The following IQCB1 variants were observed in gnomAD, a reference collection of about 807,000 sequenced individuals.
The protein encoded by IQCB1 is IQ motif containing B1.
Under a neutral mutation model 84.4 loss-of-function variants are expected in IQCB1, and 56 were observed. That is an observed-to-expected ratio of 0.66 (90% CI 0.54 to 0.83). The LOEUF is 0.83. Among genes scored for constraint, IQCB1 ranks in the 40% least tolerant of loss-of-function variants. The probability of loss-of-function intolerance (pLI) is 0.00; values close to 1 mark genes in which losing one functional copy is unlikely to be tolerated. For synonymous variants in IQCB1, 210 were observed against 234.8 expected, an observed-to-expected ratio of 0.89 and a Z score of 0.96; for missense variants, 629 against 682.1, an observed-to-expected ratio of 0.92 and a Z score of 0.87.
rs369746609 is a variant in IQCB1 at position 121,787,683 on chromosome 3, G to A, written c.1278+601C>T. 8.6e-5 allele frequency among the ~76,000 whole-genome samples: 13 copies of A among 151,856 alleles called. No individual in the cohort carries two copies. The East Asian group carries it at 1.7e-3, about 20-fold the overall frequency. Reference sequence around the variant, plus strand: ...GGAGAATTGCTTGAACCTGGGAGGCGGAGGTTGTAGTGAGCCAAGATCGTG... The same window carrying A: ...GGAGAATTGCTTGAACCTGGGAGGCAGAGGTTGTAGTGAGCCAAGATCGTG... On this transcript the variant is annotated intron_variant, in intron 12 of 14. Coordinates refer to ENST00000310864, the MANE Select transcript of IQCB1 (RefSeq NM_001023570.4).
chr3:121,770,110 T>C lies in IQCB1; in HGVS notation c.*235A>G, dbSNP rs1024442277. On this transcript the variant is annotated 3_prime_UTR_variant, in exon 15 of 15. Coordinates refer to ENST00000310864, the MANE Select transcript of IQCB1 (RefSeq NM_001023570.4). The stretch of plus-strand genomic sequence containing the variant: ...CAACAGAACACTATGCTAAGTTTAG[T>C]TCTACAATAAAAGCCACACAAATCT... 8.2e-6 allele frequency: 4 copies of C among 487,972 alleles called. No homozygotes were observed. Among genetic ancestry groups the C allele is most frequent in the African/African-American group, 3.8e-5 (2 of 51,954 alleles). The allele number at this position is 487,972 out of a possible 1,614,324, so 30.2% of individuals were successfully genotyped here.
chr3:121,777,841 T>C (rs1210984225), intron 13 of IQCB1, among the ~76,000 whole-genome samples: 1 of 152,138 alleles, frequency 6.6e-6, no homozygotes, highest in Non-Finnish European at 1.5e-5. Flanking sequence ...CTCTGATGAT[T>C]AGTGATATTG....
intron 2 of IQCB1, among the ~76,000 whole-genome samples, chr3:121,829,987 A>T (rs1406456801): frequency 1.3e-5 from 2 of 152,128 alleles, no homozygotes; most frequent in African/African-American, 4.8e-5. Flanking sequence ...TGGGTGAATC[A>T]CTTGCGGTCA....
chr3:121,807,391 T>C lies in IQCB1; in HGVS notation c.540A>G (p.Ile180Met). ...LHLLQADNVQ[I>M]GSAVMMMLQN... ...GTAGCATCATCATGACTGCAGATCC[T>C]ATTTGGACATTGTCAGCTTGCAGTA... Residue 180 changes from isoleucine (I) to methionine (M), a missense_variant, in exon 7 of 15, where the codon ATA (isoleucine) becomes ATG (methionine). Transcript: ENST00000310864. 1.3e-6 allele frequency: 2 copies of C among 1,585,388 alleles called. No homozygotes were observed. The highest frequency in any genetic ancestry group is 1.7e-6 in the Non-Finnish European group (2 of 1,154,434).
At position 121,828,581 on chromosome 3, in the gene IQCB1, T is replaced by G; in HGVS notation, c.152A>C (p.Gln51Pro). ...AATGAGATCATAACAATATATATCT[T>G]GTTTGATTTTCTTCAACTCTGAGCT... ...LGSSELKKIKQDIYCYDLIQY... is the reference protein window; with the variant it reads ...LGSSELKKIKPDIYCYDLIQY... Residue 51 changes from glutamine (Q) to proline (P), a missense_variant, in exon 4 of 15, where the codon CAA (glutamine) becomes CCA (proline). Transcript: ENST00000310864. 1 of 1,605,164 alleles carries G rather than the reference T, an allele frequency of 6.2e-7. No individual in the cohort carries two copies. The highest frequency in any genetic ancestry group is 1.1e-5 in the South Asian group (1 of 90,924).
chr3:121,788,260 C>A, intron 12 of IQCB1, 24 bp downstream of exon 12: 1 of 1,611,616 alleles, frequency 6.2e-7, no homozygotes, highest in Non-Finnish European at 8.5e-7. Flanking sequence ...TGATTCAGAG[C>A]TCTTTTCACT....
chr3:121,804,398 C>T (rs1206156977), intron 7 of IQCB1, among the ~76,000 whole-genome samples: 1 of 151,622 alleles, frequency 6.6e-6, no homozygotes, highest in Non-Finnish European at 1.5e-5. Context: ...ATGAATTTCC[C>T]TTCTGATGGA....
At chr3:121,796,148 A>C (rs1266477536) in intron 9 of IQCB1, among the ~76,000 whole-genome samples, 1 of 152,156 alleles carries the variant, frequency 6.6e-6, no homozygotes. Context: ...TTTGTTACCT[A>C]ATCAATATGA....
intron 5 of IQCB1, among the ~76,000 whole-genome samples, chr3:121,817,913 G>T (rs540027220): frequency 6.6e-6 from 1 of 152,186 alleles, no homozygotes; most frequent in African/African-American, 2.4e-5. Context: ...CAAGCAGGAG[G>T]TCATGTGAGC....
At chr3:121,807,644 T>C (rs1001252054) in intron 6 of IQCB1, among the ~76,000 whole-genome samples, 2 of 152,000 alleles carry the variant, frequency 1.3e-5, no homozygotes, top group African/African-American at 4.8e-5. Context: ...TTCATTTTTA[T>C]GAATATAGTC....
chr3:121,830,828 CCT>C (rs1212777156), intron 2 of IQCB1, among the ~76,000 whole-genome samples: 3 of 152,324 alleles, frequency 2.0e-5, no homozygotes, highest in Middle Eastern at 3.4e-3. Flanking sequence ...TCATAAGACC[CCT>C]GTTTCAGAAT....
Position 121,808,945 on chromosome 3 carries a change from A to G in IQCB1, c.458T>C (p.Leu153Ser), listed in dbSNP as rs368772723. 6.8e-6 allele frequency: 11 copies of G among 1,609,340 alleles called. No homozygotes were observed. In the African/African-American group the frequency reaches 8.0e-5, roughly 12 times the overall value. The change falls in exon 6 of 15, where the codon TTG becomes TCG. Residue 153 changes from leucine to serine, a missense_variant. Leu to Ser is a moderately radical substitution (Grantham distance 145). Transcript: ENST00000310864. Reference protein sequence around the residue: ...QIVTDSLFWLLGGHVELIQNV... With the variant: ...QIVTDSLFWLSGGHVELIQNV... Reference sequence around the variant, plus strand: ...CTGAATAAGTTCAACATGGCCTCCCAAAAGCCAGAAGAGAGAATCAGTCAC... The same window carrying G: ...CTGAATAAGTTCAACATGGCCTCCCGAAAGCCAGAAGAGAGAATCAGTCAC...
chr3:121,827,400 C>T (rs1331220535), intron 4 of IQCB1, among the ~76,000 whole-genome samples: 1 of 151,742 alleles, frequency 6.6e-6, no homozygotes, highest in African/African-American at 2.4e-5. Context: ...CTCTTTGGTT[C>T]CTAAAGTTAA....
At chr3:121,786,170 C>CAAGAACAAAAGAAAAGAAAAGAAAAG in intron 12 of IQCB1, among the ~76,000 whole-genome samples, 1 of 72,848 alleles carries the variant, frequency 1.4e-5, no homozygotes, top group Non-Finnish European at 2.5e-5. Flanking sequence ...GATTCTGTCT[C>CAAGAACAAAAGAAAAGAAAAGAAAAG]AAAAGAAAAG....
rs1475662703 is a variant in IQCB1, at chr3:121,834,398, C to T, written c.-20G>A. 1 of 152,182 alleles carries T rather than the reference C, an allele frequency of 6.6e-6. No individual in the cohort carries two copies. The highest frequency in any genetic ancestry group is 1.9e-4 in the East Asian group (1 of 5,202). 9.4% of individuals were successfully genotyped at this position (152,182 alleles called of 1,614,324 possible). The stretch of plus-strand genomic sequence containing the variant: ...CTATTTTAAGGCTACTACCCTGTTG[C>T]CAGGCCACCGGGTCCGGCCCAGCCT... On this transcript the variant is annotated 5_prime_UTR_variant, in exon 2 of 15. Coordinates refer to ENST00000310864, the MANE Select transcript of IQCB1 (RefSeq NM_001023570.4).
chr3:121,818,889 T>A, intron 5 of IQCB1, among the ~76,000 whole-genome samples: 1 of 151,994 alleles, frequency 6.6e-6, no homozygotes, highest in East Asian at 1.9e-4. Context: ...GTAAATAAAC[T>A]GGAAATATGT....
chr3:121,804,197 A>G (rs572657663), intron 7 of IQCB1, among the ~76,000 whole-genome samples: 1 of 152,226 alleles, frequency 6.6e-6, no homozygotes, highest in South Asian at 2.1e-4. Flanking sequence ...GTCTTACATC[A>G]GTATACTTCC....
At chr3:121,790,016 T>A in intron 11 of IQCB1, 57 bp downstream of exon 11, 1 of 1,499,656 alleles carries the variant, frequency 6.7e-7, no homozygotes, top group Non-Finnish European at 9.3e-7. Flanking sequence ...GAAAAGTTGG[T>A]TTGTTAAAAG....
chr3:121,773,348 A>C (rs57420306), intron 13 of IQCB1, among the ~76,000 whole-genome samples: 1 of 146,022 alleles, frequency 6.8e-6, no homozygotes, highest in African/African-American at 2.5e-5. Flanking sequence ...ACACTGGCCT[A>C]TAACAGGTGT....
Sources: allele counts gnomAD v4.1 joint callset (sites outside exome capture counted in the v4.1 genomes callset), GRCh38; gene constraint gnomAD v4.1.1; transcripts MANE v1.5; gene names NCBI Gene and HGNC (gene_info 2026-07-23, HGNC 2026-07-21).